ARSG: variants seen among roughly 807,000 people sequenced by gnomAD.
ARSG encodes ASG.
In ARSG, 37 loss-of-function variants were observed where a neutral mutation model predicts 50.5. The observed-to-expected ratio is 0.73, with a 90% confidence interval of 0.56 to 0.96. The LOEUF is 0.96. Ranked by LOEUF, ARSG falls within the 50% of genes least tolerant of loss-of-function variation. The pLI, the probability that ARSG is intolerant of heterozygous loss-of-function variation, is 0.00. For missense variants in ARSG, 629 were observed against 675.3 expected, an observed-to-expected ratio of 0.93 and a Z score of 0.76; for synonymous variants, 225 against 254.6, an observed-to-expected ratio of 0.88 and a Z score of 1.11.
upstream of ARSG, among the ~76,000 whole-genome samples, chr17:68,289,436 T>C (rs1380526455): frequency 6.6e-6 from 1 of 152,206 alleles, no homozygotes; most frequent in Non-Finnish European, 1.5e-5. Context: ...CAGAGTGTTA[T>C]TCCAGGGTCA....
chr17:68,294,730 A>G (rs1335535872), intron 1 of ARSG, among the ~76,000 whole-genome samples: 5 of 152,106 alleles, frequency 3.3e-5, no homozygotes, highest in Non-Finnish European at 5.9e-5. Flanking sequence ...TAAAACTTTA[A>G]TATCTGCTTC....
At chr17:68,343,942 T>A in intron 3 of ARSG, 151 bp downstream of exon 3, 1 of 789,516 alleles carries the variant, frequency 1.3e-6, no homozygotes, top group South Asian at 2.0e-5. Context: ...TGAAAAGACC[T>A]AACAGTGAAT....
intron 5 of ARSG, among the ~76,000 whole-genome samples, chr17:68,353,509 G>C (rs1040385752): frequency 1.3e-5 from 2 of 151,930 alleles, no homozygotes; most frequent in African/African-American, 4.8e-5. Flanking sequence ...GTAAGATCCC[G>C]TCTCAAAAAA....
At chr17:68,363,760 C>G (rs377529872) in intron 6 of ARSG, among the ~76,000 whole-genome samples, 4 of 152,204 alleles carry the variant, frequency 2.6e-5, no homozygotes, top group African/African-American at 9.7e-5. Context: ...AGCCATCGTG[C>G]CTGGCCGAGC....
At chr17:68,288,243 G>A (rs1460624348), upstream of ARSG, among the ~76,000 whole-genome samples, 6 of 151,702 alleles carry the variant, frequency 4.0e-5, no homozygotes, top group Admixed American at 6.6e-5. Flanking sequence ...CTTGTGATCC[G>A]CCCGCCTCAG....
At chr17:68,372,153 T>G (rs1429874727) in intron 8 of ARSG, among the ~76,000 whole-genome samples, 1 of 152,198 alleles carries the variant, frequency 6.6e-6, no homozygotes, top group African/African-American at 2.4e-5. Context: ...GGCAGAATTT[T>G]AGATCTGGGA....
chr17:68,360,271 T>A (rs182205563), intron 6 of ARSG, among the ~76,000 whole-genome samples: 16 of 152,358 alleles, frequency 1.1e-4, no homozygotes, highest in African/African-American at 3.4e-4. Context: ...AAATGCTGAT[T>A]TCTTTGGGAT....
chr17:68,433,349 G>T, the ARSG span: 1 of 958,180 alleles, frequency 1.0e-6, no homozygotes, highest in Non-Finnish European at 1.6e-6. Context: ...CTTAGGTGAA[G>T]TCCCAAGTGA....
intron 11 of ARSG, among the ~76,000 whole-genome samples, chr17:68,405,518 T>C (rs2081670547): frequency 6.6e-6 from 1 of 152,196 alleles, no homozygotes; most frequent in Non-Finnish European, 1.5e-5. Context: ...ACTGGCTTTG[T>C]GTTCTGAATT....
chr17:68,285,849 C>T (rs1189503953), intron 1 of ARSG, among the ~76,000 whole-genome samples: 1 of 151,978 alleles, frequency 6.6e-6, no homozygotes, highest in Non-Finnish European at 1.5e-5. Flanking sequence ...CCACCTCCAT[C>T]CCCCAGGTTC....
chr17:68,299,850 A>G (rs2076348011), intron 1 of ARSG, among the ~76,000 whole-genome samples: 1 of 151,876 alleles, frequency 6.6e-6, no homozygotes, highest in South Asian at 2.1e-4. Context: ...GGAGGGTGTT[A>G]TGGAATTGTA....
intron 8 of ARSG, among the ~76,000 whole-genome samples, chr17:68,375,059 G>A (rs536895997): frequency 9.7e-4 from 148 of 152,130 alleles, no homozygotes; most frequent in South Asian, 6.2e-4. Context: ...AGCCCCAGCC[G>A]CAAGGAATAA....
rs1302913513 is a variant in ARSG, at chr17:68,370,525, G to C, written c.982+1G>C. ...ACTGGATTTTGGCAAACTCGTCAAG[G>C]TAAGGGGCTCAGCTGGGGTTGGTGG... is the stretch of plus-strand genomic sequence containing the variant. On this transcript the variant is annotated splice_donor_variant, in intron 8 of 11. Transcript: ENST00000621439. LOFTEE classifies it high-confidence loss of function. 6.2e-7 allele frequency: 1 copy of C among 1,613,728 alleles called. No individual in the cohort carries two copies. The highest frequency in any genetic ancestry group is 2.2e-5 in the East Asian group (1 of 44,852).
chr17:68,440,006 C>T, the ARSG span, among the ~76,000 whole-genome samples: 12 of 152,248 alleles, frequency 7.9e-5, no homozygotes, highest in East Asian at 1.2e-3. Context: ...AGGGAAGAAA[C>T]GTTTAAACTT....
intron 9 of ARSG, among the ~76,000 whole-genome samples, chr17:68,385,871 G>A (rs2080699243): frequency 6.6e-6 from 1 of 152,174 alleles, no homozygotes; most frequent in Non-Finnish European, 1.5e-5. Context: ...ATGGCCCCAA[G>A]AAAGGAGTCC....
intron 8 of ARSG, among the ~76,000 whole-genome samples, chr17:68,372,769 G>C (rs894603524): frequency 1.3e-5 from 2 of 151,892 alleles, no homozygotes; most frequent in African/African-American, 4.8e-5. Context: ...GTCTCCAGGA[G>C]GTCTCCACTA....
At chr17:68,372,899 TTTTTTTTTTTGA>T (rs991615020) in intron 8 of ARSG, among the ~76,000 whole-genome samples, 1 of 91,760 alleles carries the variant, frequency 1.1e-5, no homozygotes, top group Non-Finnish European at 2.3e-5. Context: ...TTTTTTTTTT[TTTTTTTTTTTGA>T]GACAGAGTCC....
intron 1 of ARSG, among the ~76,000 whole-genome samples, chr17:68,275,997 TTA>T (rs1207665528): frequency 6.7e-6 from 1 of 149,650 alleles, no homozygotes; most frequent in Non-Finnish European, 1.5e-5. Context: ...AAAAAAAAAA[TTA>T]AGTTATCTTG....
At chr17:68,419,003 T>G (rs2082570957) in intron 11 of ARSG, among the ~76,000 whole-genome samples, 1 of 147,360 alleles carries the variant, frequency 6.8e-6, no homozygotes, top group Admixed American at 6.7e-5. Context: ...TAACTGCTTT[T>G]TCTATAGCAA....
Sources: gnomAD v4.1 joint callset for allele counts (sites outside exome capture counted in the v4.1 genomes callset) on GRCh38, gnomAD v4.1.1 for gene constraint, MANE v1.5 for transcripts, NCBI Gene and HGNC (gene_info 2026-07-23, HGNC 2026-07-21) for gene names.